Variants in PAN3 observed in about 807,000 individuals in gnomAD.
PAN3 encodes PAN2-PAN3 deadenylation complex subunit PAN3.
A neutral mutation model predicts 96.2 loss-of-function variants in PAN3; 19 were observed. The ratio of observed to expected loss-of-function variants is 0.20; its 90% CI spans 0.14 to 0.29. The LOEUF (loss-of-function observed/expected upper bound fraction) is 0.29. Ranked by LOEUF, PAN3 falls within the 10% of genes least tolerant of loss-of-function variation. PAN3 has a pLI of 1.00. For synonymous variants in PAN3, 433 were observed against 406.6 expected (o/e 1.06, Z -0.78); for missense variants, 882 against 1,108.1 (o/e 0.80, Z 2.90).
chr13:28,160,628 A>G (rs1374943141), intron 1 of PAN3, among the ~76,000 whole-genome samples: 1 of 152,256 alleles, frequency 6.6e-6, no homozygotes, highest in African/African-American at 2.4e-5. Context: ...AAAATGAGAA[A>G]TAACCATATA....
chr13:28,273,129 A>G (rs1886770070), intron 14 of PAN3, among the ~76,000 whole-genome samples: 1 of 152,082 alleles, frequency 6.6e-6, no homozygotes, highest in Middle Eastern at 3.2e-3. Context: ...TAATTTTTTT[A>G]TTTAGTCAGA....
At chr13:28,233,989 C>G (rs984388650) in intron 6 of PAN3, among the ~76,000 whole-genome samples, 2 of 152,172 alleles carry the variant, frequency 1.3e-5, no homozygotes, top group Non-Finnish European at 2.9e-5. Context: ...ACCTACCAAT[C>G]CAGTTTCTCA....
chr13:28,221,910 T>A (rs916931410), intron 6 of PAN3, among the ~76,000 whole-genome samples: 3 of 152,190 alleles, frequency 2.0e-5, no homozygotes, highest in Admixed American at 6.5e-5. Flanking sequence ...ATCTTAAAAT[T>A]TCTTAGGCAT....
chr13:28,272,200 T>C, intron 14 of PAN3, 129 bp downstream of exon 14: 1 of 530,084 alleles, frequency 1.9e-6, no homozygotes, highest in Non-Finnish European at 3.2e-6. Flanking sequence ...ATGCAGACTT[T>C]GAACATGTAT....
intron 17 of PAN3, among the ~76,000 whole-genome samples, chr13:28,284,801 A>T (rs530390732): frequency 6.6e-6 from 1 of 152,244 alleles, no homozygotes; most frequent in Non-Finnish European, 1.5e-5. Context: ...ATTGGGCACC[A>T]CTTTGTTGTT....
chr13:28,206,178 C>T (rs1391797402), intron 5 of PAN3, among the ~76,000 whole-genome samples: 3 of 152,060 alleles, frequency 2.0e-5, no homozygotes, highest in East Asian at 1.9e-4. Context: ...GAAAACTCTG[C>T]GATACAATTT....
intron 1 of PAN3, among the ~76,000 whole-genome samples, chr13:28,148,844 C>T (rs1158016113): frequency 2.0e-5 from 3 of 151,996 alleles, no homozygotes; most frequent in Admixed American, 2.0e-4. Context: ...TATTCTTTCT[C>T]GTGGCTGTGT....
At chr13:28,259,371 A>G (rs571767994) in intron 7 of PAN3, among the ~76,000 whole-genome samples, 9 of 151,426 alleles carry the variant, frequency 5.9e-5, no homozygotes, top group East Asian at 5.8e-4. Context: ...CGTTAGTTCA[A>G]TCTTGGTGCA....
At chr13:28,215,968 C>T (rs1566195173) in intron 5 of PAN3, 3 of 865,634 alleles carry the variant, frequency 3.5e-6, no homozygotes, top group Non-Finnish European at 3.8e-6. Flanking sequence ...CTGTTAGTTT[C>T]AGTTGGCCAT....
chr13:28,197,110 T>G, intron 4 of PAN3, 75 bp from the exon 5 acceptor site: 1 of 1,492,804 alleles, frequency 6.7e-7, no homozygotes, highest in Non-Finnish European at 9.0e-7. Flanking sequence ...GTATCCTGTA[T>G]ATGTTAGTTA....
intron 1 of PAN3, among the ~76,000 whole-genome samples, chr13:28,145,903 A>AT (rs922342785): frequency 6.7e-6 from 1 of 148,168 alleles, no homozygotes; most frequent in Non-Finnish European, 1.5e-5. Context: ...AGTAGCTAGG[A>AT]TTACAGGCTT....
chr13:28,228,595 T>C (rs1882233812), intron 6 of PAN3, among the ~76,000 whole-genome samples: 1 of 152,222 alleles, frequency 6.6e-6, no homozygotes, highest in Admixed American at 6.5e-5. Flanking sequence ...GATTTTAGCA[T>C]GGTATCCCTA....
At chr13:28,267,819 C>A (rs1317968044) in intron 12 of PAN3, among the ~76,000 whole-genome samples, 1 of 152,194 alleles carries the variant, frequency 6.6e-6, no homozygotes, top group Admixed American at 6.5e-5. Flanking sequence ...CAGCTCCCTC[C>A]CACAACACTG....
At chr13:28,185,633 G>T (rs1876359196) in intron 4 of PAN3, among the ~76,000 whole-genome samples, 1 of 152,022 alleles carries the variant, frequency 6.6e-6, no homozygotes, top group African/African-American at 2.4e-5. Flanking sequence ...GTGTGTGGTA[G>T]TATGGTGTTT....
At chr13:28,201,508 T>A (rs1223954982) in intron 5 of PAN3, among the ~76,000 whole-genome samples, 2 of 152,008 alleles carry the variant, frequency 1.3e-5, no homozygotes, top group Non-Finnish European at 2.9e-5. Flanking sequence ...ATTGTGTCGC[T>A]GCACTCCAGC....
At chr13:28,218,909 A>C (rs892736701) in intron 5 of PAN3, among the ~76,000 whole-genome samples, 1 of 152,170 alleles carries the variant, frequency 6.6e-6, no homozygotes, top group Admixed American at 6.5e-5. Flanking sequence ...TTTTATCAAG[A>C]TATCAATGGC....
At chr13:28,234,440 T>C (rs1236486420) in intron 6 of PAN3, among the ~76,000 whole-genome samples, 1 of 152,200 alleles carries the variant, frequency 6.6e-6, no homozygotes, top group Non-Finnish European at 1.5e-5. Flanking sequence ...ATGAAGATAC[T>C]ATTGGTGTGC....
intron 1 of PAN3, among the ~76,000 whole-genome samples, chr13:28,158,150 A>G (rs913671229): frequency 7.2e-5 from 11 of 152,334 alleles, no homozygotes; most frequent in Admixed American, 2.0e-4. Context: ...GCCATATTCA[A>G]AAGATTGAAA....
chr13:28,273,792 T>G (rs889947516), intron 14 of PAN3, among the ~76,000 whole-genome samples: 2 of 152,238 alleles, frequency 1.3e-5, no homozygotes, highest in Admixed American at 6.5e-5. Context: ...TACAAAGGTT[T>G]GCTCTAAGGC....
Sources: gnomAD v4.1 joint callset for allele counts (sites outside exome capture counted in the v4.1 genomes callset) on GRCh38, gnomAD v4.1.1 for gene constraint, MANE v1.5 for transcripts, NCBI Gene and HGNC (gene_info 2026-07-23, HGNC 2026-07-21) for gene names.